The following FOXP1 variants were observed in gnomAD, a reference collection of about 807,000 sequenced individuals.
The protein encoded by FOXP1 is forkhead box P1, also known as forkhead box protein P1.
In FOXP1, 15 loss-of-function variants were observed where a neutral mutation model predicts 98.2. That is an observed-to-expected ratio of 0.15 (90% confidence interval 0.10 to 0.24). The LOEUF is 0.24. FOXP1 is among the 10% of genes least tolerant of loss of function. The pLI is 1.00. For missense variants in FOXP1, 633 were observed against 848.5 expected (o/e 0.75, Z 3.15); for synonymous variants, 371 against 314.5 (o/e 1.18, Z -1.90).
chr3:71,125,453 T>C (rs1334296281), intron 6 of FOXP1, among the ~76,000 whole-genome samples: 3 of 152,192 alleles, frequency 2.0e-5, no homozygotes, highest in Admixed American at 6.5e-5. Context: ...AAAAATATAT[T>C]CGGTTAATCT....
At chr3:71,281,708 T>C (rs1401705761) in intron 5 of FOXP1, among the ~76,000 whole-genome samples, 1 of 152,324 alleles carries the variant, frequency 6.6e-6, no homozygotes, top group East Asian at 1.9e-4. Flanking sequence ...CTTCAGTCCA[T>C]GGTTTAAGTT....
chr3:71,402,264 G>A (rs1162679338), intron 3 of FOXP1, among the ~76,000 whole-genome samples: 2 of 152,092 alleles, frequency 1.3e-5, no homozygotes, highest in Non-Finnish European at 2.9e-5. Context: ...AGACCAGCCT[G>A]GGCAACATGG....
At chr3:70,989,656 T>A (rs2040305765) in intron 13 of FOXP1, among the ~76,000 whole-genome samples, 2 of 152,304 alleles carry the variant, frequency 1.3e-5, no homozygotes, top group East Asian at 3.9e-4. Context: ...AATGTTTTGT[T>A]TTAAAGTTAT....
At chr3:71,465,330 G>A (rs376118438) in intron 3 of FOXP1, among the ~76,000 whole-genome samples, 176 of 64,482 alleles carry the variant, frequency 2.7e-3, no homozygotes, top group African/African-American at 8.5e-3. Flanking sequence ...AAAAAAAGAA[G>A]AAGAAGAAGA....
intron 2 of FOXP1, among the ~76,000 whole-genome samples, chr3:71,506,859 T>C (rs754094534): frequency 6.6e-6 from 1 of 152,232 alleles, no homozygotes; most frequent in Non-Finnish European, 1.5e-5. Context: ...CTGCACACTT[T>C]ACAGTTTCTC....
At chr3:71,111,169 T>C (rs1393777084) in intron 7 of FOXP1, among the ~76,000 whole-genome samples, 1 of 152,170 alleles carries the variant, frequency 6.6e-6, no homozygotes, top group Admixed American at 6.5e-5. Context: ...TAGGTTGACC[T>C]CATTATCCAA....
At chr3:71,310,186 C>G (rs564514560) in intron 4 of FOXP1, among the ~76,000 whole-genome samples, 2 of 152,318 alleles carry the variant, frequency 1.3e-5, no homozygotes, top group South Asian at 4.1e-4. Flanking sequence ...TTGCCTGGTA[C>G]ATGAAACCAG....
intron 2 of FOXP1, among the ~76,000 whole-genome samples, chr3:71,557,909 C>G (rs2046254483): frequency 6.6e-6 from 1 of 152,142 alleles, no homozygotes; most frequent in Non-Finnish European, 1.5e-5. Context: ...CTCTGCCTCC[C>G]AGGTTCACGT....
At chr3:71,354,129 A>T (rs1189536909) in intron 4 of FOXP1, among the ~76,000 whole-genome samples, 1 of 143,396 alleles carries the variant, frequency 7.0e-6, no homozygotes, top group Non-Finnish European at 1.5e-5. Context: ...GCAAGGTGAA[A>T]CCCCGTCTGT....
At chr3:70,985,733 T>G (rs1430018905) in intron 14 of FOXP1, among the ~76,000 whole-genome samples, 1 of 152,110 alleles carries the variant, frequency 6.6e-6, no homozygotes, top group Non-Finnish European at 1.5e-5. Flanking sequence ...TTACATAAAC[T>G]AATCCAAACA....
intron 7 of FOXP1, among the ~76,000 whole-genome samples, chr3:71,080,413 A>G (rs931421585): frequency 1.3e-5 from 2 of 152,236 alleles, no homozygotes; most frequent in Admixed American, 1.3e-4. Context: ...AAAAATAAAA[A>G]TAAAGCTACA....
At chr3:71,269,013 CAG>C (rs2070043073) in intron 5 of FOXP1, among the ~76,000 whole-genome samples, 1 of 151,846 alleles carries the variant, frequency 6.6e-6, no homozygotes, top group Non-Finnish European at 1.5e-5. Flanking sequence ...TGAACGTAGA[CAG>C]ATAGAAACTT....
At chr3:71,575,423 G>T (rs958811719) in intron 2 of FOXP1, among the ~76,000 whole-genome samples, 15 of 151,962 alleles carry the variant, frequency 9.9e-5, no homozygotes, top group Admixed American at 2.0e-4. Flanking sequence ...CTGACTCAAG[G>T]ATCTGTATTT....
chr3:71,496,050 A>G (rs567258858), intron 2 of FOXP1, among the ~76,000 whole-genome samples: 5 of 152,350 alleles, frequency 3.3e-5, no homozygotes, highest in African/African-American at 9.6e-5. Flanking sequence ...AGAGCTTTCA[A>G]TTCTACAAAT....
At chr3:71,060,541 A>C (rs2051335086) in intron 7 of FOXP1, among the ~76,000 whole-genome samples, 1 of 152,154 alleles carries the variant, frequency 6.6e-6, no homozygotes, top group Non-Finnish European at 1.5e-5. Flanking sequence ...CAATTAGAGT[A>C]ATTGTACAAA....
chr3:71,203,644 T>G (rs1272554425), intron 5 of FOXP1, among the ~76,000 whole-genome samples: 3 of 152,220 alleles, frequency 2.0e-5, no homozygotes, highest in African/African-American at 7.2e-5. Context: ...TAAATTAACT[T>G]GGCTGATCAA....
chr3:71,007,998 T>C (rs2043020974), intron 12 of FOXP1, among the ~76,000 whole-genome samples: 1 of 152,138 alleles, frequency 6.6e-6, no homozygotes, highest in Admixed American at 6.6e-5. Flanking sequence ...CTGCATGAAG[T>C]TTTTCTCCCT....
chr3:71,502,844 G>A (rs746362240), intron 2 of FOXP1, among the ~76,000 whole-genome samples: 8 of 152,010 alleles, frequency 5.3e-5, no homozygotes, highest in Admixed American at 2.0e-4. Context: ...TTATGTAACC[G>A]GCATACATAA....
At chr3:71,288,405 G>C (rs1160868374) in intron 5 of FOXP1, 1 of 152,180 alleles carries the variant, frequency 6.6e-6, no homozygotes, top group African/African-American at 2.4e-5. Flanking sequence ...GCTAGAATCT[G>C]TGATGCTCTT....
Sources: gnomAD v4.1 joint callset for allele counts (sites outside exome capture counted in the v4.1 genomes callset) on GRCh38, gnomAD v4.1.1 for gene constraint, MANE v1.5 for transcripts, NCBI Gene and HGNC (gene_info 2026-07-23, HGNC 2026-07-21) for gene names.